The following TKT variants were observed in gnomAD, a reference collection of about 807,000 sequenced individuals.
The protein encoded by TKT is epididymis luminal protein 107.
Under a neutral mutation model 63.9 loss-of-function variants are expected in TKT, and 47 were observed. The ratio of observed to expected loss-of-function variants is 0.74; its 90% CI spans 0.58 to 0.94. TKT has a LOEUF of 0.94. Among genes scored for constraint, TKT ranks in the 40% least tolerant of loss-of-function variants. TKT has a pLI of 0.00. For missense variants in TKT, 721 were observed against 846.2 expected, an observed-to-expected ratio of 0.85 and a Z score of 1.84; for synonymous variants, 338 against 334.1, an observed-to-expected ratio of 1.01 and a Z score of -0.13.
At chr3:53,255,815 C>T (rs782077382) in intron 1 of TKT, 21 bp downstream of exon 1, 22 of 1,460,958 alleles carry the variant, frequency 1.5e-5, no homozygotes, top group Non-Finnish European at 2.0e-5. Context: ...GCCGCGTCCC[C>T]GGCCGGCGCC....
At chr3:53,231,938 C>CA (rs1553677233) in intron 6 of TKT, 1 of 266,906 alleles carries the variant, frequency 3.7e-6, no homozygotes, top group Non-Finnish European at 7.1e-6. Flanking sequence ...CAGAAATACT[C>CA]AGTTTGTCGA....
chr3:53,236,349 G>T (rs566591128), intron 4 of TKT, among the ~76,000 whole-genome samples: 1 of 152,312 alleles, frequency 6.6e-6, no homozygotes, highest in East Asian at 1.9e-4. Context: ...CTGTCAGCAT[G>T]ACTCAGCACT....
intron 1 of TKT, among the ~76,000 whole-genome samples, chr3:53,248,190 G>A (rs1328438696): frequency 2.6e-5 from 4 of 152,204 alleles, no homozygotes; most frequent in Non-Finnish European, 5.9e-5. Context: ...TGCTTCATTC[G>A]GAGGATGGGG....
intron 1 of TKT, among the ~76,000 whole-genome samples, chr3:53,244,283 G>A (rs1705412583): frequency 6.6e-6 from 1 of 152,204 alleles, no homozygotes; most frequent in Admixed American, 6.5e-5. Flanking sequence ...CAGAGCTTTT[G>A]GGGCTCTCCC....
In TKT at chr3:53,233,163, C is replaced by G; in HGVS notation, c.741G>C (p.Gly247=). The G allele has an allele frequency of 1.2e-6, 2 of 1,613,540 alleles. No individual in the cohort carries two copies. Among genetic ancestry groups the G allele is most frequent in the Non-Finnish European group, 1.7e-6 (2 of 1,179,750 alleles). Reference sequence around the variant, plus strand: ...CGGCTTGTGCATACTGACCCGTGATCCCTCGGCCCTTGAAGGTCTTGGCAA... The same window carrying G: ...CGGCTTGTGCATACTGACCCGTGATGCCTCGGCCCTTGAAGGTCTTGGCAA... ...AIIAKTFKGR[G]ITGVEDKESW... Residue 247 remains glycine (G), a synonymous_variant, in exon 6 of 14, where the codon GGG becomes GGC. Transcript: ENST00000462138.
At chr3:53,232,867 C>T (rs190370132) in intron 6 of TKT, 42 of 424,796 alleles carry the variant, frequency 9.9e-5, no homozygotes, top group African/African-American at 6.5e-4. Context: ...GGGTGGGGCA[C>T]GGGGGCTGCC....
chr3:53,240,371 T>C, intron 3 of TKT, 23 bp from the exon 4 acceptor site: 1 of 1,601,870 alleles, frequency 6.2e-7, no homozygotes, highest in Admixed American at 1.7e-5. Context: ...AAGGCCACCG[T>C]TAATCTGAGA....
chr3:53,233,039 G>A, intron 6 of TKT, 117 bp downstream of exon 6: 1 of 852,922 alleles, frequency 1.2e-6, no homozygotes, highest in Non-Finnish European at 1.9e-6. Context: ...CTTCCCTGGA[G>A]CCTGGTGAGC....
At chr3:53,242,611 G>A (rs1553680152) in intron 1 of TKT, among the ~76,000 whole-genome samples, 4 of 152,202 alleles carry the variant, frequency 2.6e-5, no homozygotes, top group African/African-American at 9.6e-5. Flanking sequence ...GCTGGGGGCA[G>A]CTGCTGTCAG....
At position 53,233,215 on chromosome 3, in the gene TKT, T is replaced by C. The variant is rs548449033; in HGVS notation, c.689A>G (p.Gln230Arg). ...SVEELCKAFGQAKHQPTAIIA... is the reference protein window; with the variant it reads ...SVEELCKAFGRAKHQPTAIIA... ...GATGGCTGTTGGCTGGTGCTTGGCCTGGCCAAAGGCCTTGCACAGCTCCTC... is the reference window on the plus strand; with the variant it reads ...GATGGCTGTTGGCTGGTGCTTGGCCCGGCCAAAGGCCTTGCACAGCTCCTC... Residue 230 changes from glutamine to arginine, a missense_variant, in exon 6 of 14, where the codon CAG becomes CGG. By Grantham distance (43) the Gln-to-Arg change is conservative. Transcript: ENST00000462138. 5.0e-6 allele frequency: 8 copies of C among 1,613,916 alleles called. No individual in the cohort carries two copies. Among genetic ancestry groups the C allele is most frequent in the Non-Finnish European group, 6.8e-6 (8 of 1,179,930 alleles).
chr3:53,226,643 T>G (rs909601463), intron 13 of TKT, 113 bp downstream of exon 13: 1 of 1,494,892 alleles, frequency 6.7e-7, no homozygotes, highest in Middle Eastern at 2.2e-4. Context: ...GGGACAGCTC[T>G]GGGTGTTCTG....
chr3:53,232,972 G>A (rs1358291135), intron 6 of TKT, 184 bp downstream of exon 6: 2 of 587,252 alleles, frequency 3.4e-6, no homozygotes, highest in Admixed American at 6.2e-5. Flanking sequence ...AGACGGATCT[G>A]AGTTTAAATC....
chr3:53,228,694 G>A (rs1309732737), intron 10 of TKT: 2 of 513,170 alleles, frequency 3.9e-6, no homozygotes, highest in South Asian at 4.1e-5. Flanking sequence ...GGACCACAGG[G>A]CTCAGCTCAT....
chr3:53,243,600 G>A (rs928715456), intron 1 of TKT: 10 of 456,580 alleles, frequency 2.2e-5, no homozygotes, highest in South Asian at 4.6e-5. Context: ...ATGAACTCCC[G>A]GTCATGGGAA....
At chr3:53,241,498 C>T (rs943180185) in intron 2 of TKT, among the ~76,000 whole-genome samples, 9 of 152,236 alleles carry the variant, frequency 5.9e-5, no homozygotes, top group South Asian at 2.1e-4. Context: ...TGAGGCTGGA[C>T]GAAGCCAAAA....
chr3:53,252,076 T>G (rs540467999), intron 1 of TKT, among the ~76,000 whole-genome samples: 2 of 152,046 alleles, frequency 1.3e-5, no homozygotes, highest in African/African-American at 4.8e-5. Context: ...GGAGGCGGAG[T>G]TTGTGGTGAG....
At chr3:53,236,650 A>G (rs1553678672) in intron 4 of TKT, among the ~76,000 whole-genome samples, 1 of 152,216 alleles carries the variant, frequency 6.6e-6, no homozygotes, top group Admixed American at 6.5e-5. Flanking sequence ...CTTCCCAGAA[A>G]GGGATTCCAG....
At position 53,228,099 on chromosome 3, in the gene TKT, C is replaced by A; in HGVS notation, c.1530G>T (p.Val510=). The change falls in exon 12 of 14, where the codon GTG becomes GTT. Residue 510 remains valine (V), a synonymous_variant. Transcript: ENST00000462138. ...CAGCGGCCAAGGCCTCGTGCAGGGT[C>A]ACCCCAGCCCCGATAACGGTCACCT... ...DDQVTVIGAG[V]TLHEALAAAE... 2 of 1,613,684 alleles carry A rather than the reference C, an allele frequency of 1.2e-6. No individual in the cohort carries two copies. The highest frequency in any genetic ancestry group is 2.2e-5 in the South Asian group (2 of 91,046).
intron 1 of TKT, among the ~76,000 whole-genome samples, chr3:53,247,892 T>A (rs536509371): frequency 1.3e-5 from 2 of 152,158 alleles, no homozygotes; most frequent in South Asian, 4.1e-4. Context: ...CACCTGACAT[T>A]AGGTGGTTAT....
Sources: gnomAD v4.1 joint callset for allele counts (sites outside exome capture counted in the v4.1 genomes callset) on GRCh38, gnomAD v4.1.1 for gene constraint, MANE v1.5 for transcripts, NCBI Gene and HGNC (gene_info 2026-07-23, HGNC 2026-07-21) for gene names.